Variants in PIK3C3 observed in about 807,000 individuals in gnomAD.
PIK3C3 encodes the protein PI3-kinase type 3.
Under a neutral mutation model 126.1 loss-of-function variants are expected in PIK3C3, and 95 were observed. The observed-to-expected ratio is 0.75, with a 90% CI of 0.64 to 0.89. The LOEUF is 0.89. Among genes scored for constraint, PIK3C3 ranks in the 40% least tolerant of loss-of-function variants. The probability of loss-of-function intolerance (pLI) is 0.00; values close to 1 mark genes in which losing one functional copy is unlikely to be tolerated. For missense variants in PIK3C3, 829 were observed against 1,063.2 expected, an observed-to-expected ratio of 0.78 and a Z score of 3.06; for synonymous variants, 374 against 360.0, an observed-to-expected ratio of 1.04 and a Z score of -0.44.
chr18:42,017,481 T>C (rs761492880), intron 12 of PIK3C3, among the ~76,000 whole-genome samples: 5 of 152,260 alleles, frequency 3.3e-5, no homozygotes, highest in African/African-American at 7.2e-5. Flanking sequence ...TATTGTGTTA[T>C]TGAAATCTGT....
intron 10 of PIK3C3, among the ~76,000 whole-genome samples, chr18:42,008,363 T>C (rs1000145766): frequency 6.6e-6 from 1 of 152,132 alleles, no homozygotes; most frequent in African/African-American, 2.4e-5. Flanking sequence ...GAAAGCAATA[T>C]GAGCAAGAGC....
chr18:42,068,245 T>C (rs1162320122), intron 24 of PIK3C3, among the ~76,000 whole-genome samples: 1 of 152,212 alleles, frequency 6.6e-6, no homozygotes. Flanking sequence ...TTTTAAACTT[T>C]ATGATACCTA....
Position 41,970,327 on chromosome 18 carries a change from C to T in PIK3C3, c.402C>T (p.Gly134=). The change falls in exon 4 of 25, where the codon GGC becomes GGT. Residue 134 remains glycine (G), a splice_region_variant and synonymous_variant. Transcript: ENST00000262039. ...CCCTGAACATTCTCTTTTTCCCTAGCATGTTTCGCCAAGGGATGCATGACT... is the reference window on the plus strand; with the variant it reads ...CCCTGAACATTCTCTTTTTCCCTAGTATGTTTCGCCAAGGGATGCATGACT... ...GTTVSLFGKY[G]MFRQGMHDLK... The T allele has an allele frequency of 6.2e-7, 1 of 1,612,634 alleles. No homozygotes were observed. Among genetic ancestry groups the T allele is most frequent in the Non-Finnish European group, 8.5e-7 (1 of 1,178,792 alleles).
intron 4 of PIK3C3, among the ~76,000 whole-genome samples, chr18:41,972,877 G>A (rs1980737664): frequency 6.6e-6 from 1 of 152,016 alleles, no homozygotes; most frequent in Non-Finnish European, 1.5e-5. Flanking sequence ...AGCTGCTATT[G>A]AAGAGAAATG....
rs553093001 is a variant in PIK3C3 at position 42,085,375 on chromosome 18, GAATA to G, written c.*4243_*4246del. 11 of 152,088 alleles carry G rather than the reference GAATA, an allele frequency of 7.2e-5. No homozygotes were observed. The highest frequency in any genetic ancestry group is 1.5e-4 in the Non-Finnish European group (10 of 68,010). 9.4% of individuals were successfully genotyped at this position (152,088 alleles called of 1,614,324 possible). On this transcript the variant is annotated 3_prime_UTR_variant, in exon 25 of 25. Transcript: ENST00000262039. ...TATGGAATATGAACAACTTTAATATGAATAAATAGTCTAGAAAAAAATTTAGGAA... is the reference window on the plus strand; with the variant it reads ...TATGGAATATGAACAACTTTAATATGAATAGTCTAGAAAAAAATTTAGGAA...
At chr18:41,995,457 G>C (rs896949252) in intron 7 of PIK3C3, among the ~76,000 whole-genome samples, 12 of 152,134 alleles carry the variant, frequency 7.9e-5, no homozygotes, top group African/African-American at 2.9e-4. Context: ...TGTGATTATT[G>C]TCCTTGCCCT....
intron 24 of PIK3C3, among the ~76,000 whole-genome samples, chr18:42,074,460 T>C (rs542399676): frequency 4.5e-4 from 68 of 152,286 alleles, no homozygotes; most frequent in African/African-American, 1.6e-3. Context: ...GAATGTACTC[T>C]CCTTTAACAA....
chr18:41,996,001 G>T lies in PIK3C3; in HGVS notation c.891+7G>T, dbSNP rs376060141. The stretch of plus-strand genomic sequence containing the variant: ...CACGAGAGATCAGTTAAATGTAAGA[G>T]AATTATGAAATATTAATTTAAAAAT... On this transcript the variant is annotated splice_region_variant and intron_variant, in intron 8 of 24. Coordinates refer to ENST00000262039, the MANE Select transcript of PIK3C3 (RefSeq NM_002647.4). The T allele has an allele frequency of 6.4e-6, 10 of 1,563,496 alleles. No homozygotes were observed. The African/African-American group carries it at 8.1e-5, about 13-fold the overall frequency.
At chr18:42,022,777 T>C (rs1419218067) in intron 13 of PIK3C3, among the ~76,000 whole-genome samples, 1 of 152,180 alleles carries the variant, frequency 6.6e-6, no homozygotes, top group Non-Finnish European at 1.5e-5. Context: ...CTTGAAAATA[T>C]AGGAGGTTTT....
chr18:41,970,624 A>G (rs375400676), intron 4 of PIK3C3, 168 bp downstream of exon 4: 1 of 680,356 alleles, frequency 1.5e-6, no homozygotes, highest in Non-Finnish European at 2.6e-6. Flanking sequence ...CACCCTTGGA[A>G]AGCATACAGT....
At chr18:41,989,775 C>T (rs1981683391) in intron 5 of PIK3C3, among the ~76,000 whole-genome samples, 1 of 152,120 alleles carries the variant, frequency 6.6e-6, no homozygotes, top group Non-Finnish European at 1.5e-5. Flanking sequence ...TGATGCATTT[C>T]TCAGAATGTA....
chr18:42,049,658 A>T (rs1984709066), intron 21 of PIK3C3, 53 bp downstream of exon 21: 1 of 1,334,768 alleles, frequency 7.5e-7, no homozygotes, highest in Non-Finnish European at 1.1e-6. Flanking sequence ...CATGGTTTTT[A>T]CCCCTGAATC....
Position 42,072,621 on chromosome 18 carries a change from T to A in PIK3C3, c.2649+5108T>A, listed in dbSNP as rs548546029. Among the ~76,000 whole-genome samples the A allele has an allele frequency of 9.2e-5, 14 of 152,282 alleles. No individual in the cohort carries two copies. The South Asian group carries it at 2.7e-3, about 29-fold the overall frequency. ...ATAATGGTTCACTGCAGCCTTGACCTCCTGGGCTTGAGTGATCCTCCTGCC... is the reference window on the plus strand; with the variant it reads ...ATAATGGTTCACTGCAGCCTTGACCACCTGGGCTTGAGTGATCCTCCTGCC... On this transcript the variant is annotated intron_variant, in intron 24 of 24. Coordinates refer to ENST00000262039, the MANE Select transcript of PIK3C3 (RefSeq NM_002647.4).
Position 42,067,517 on chromosome 18 carries a change from A to G in PIK3C3, c.2649+4A>G. ...ACAGATTCACAAGTTTGCCCAGGTA[A>G]GTTCCCTGAGTGCAGTGCATTTTTC... On this transcript the variant is annotated splice_donor_region_variant and intron_variant, in intron 24 of 24. Coordinates refer to ENST00000262039, the MANE Select transcript of PIK3C3 (RefSeq NM_002647.4). 6.2e-7 allele frequency: 1 copy of G among 1,614,018 alleles called. No homozygotes were observed.
intron 12 of PIK3C3, 31 bp from the exon 13 acceptor site, chr18:42,020,607 A>G (rs1257087267): frequency 1.4e-6 from 2 of 1,427,762 alleles, no homozygotes; most frequent in East Asian, 2.3e-5. Flanking sequence ...GTAGATGATA[A>G]TATATAATAC....
intron 10 of PIK3C3, among the ~76,000 whole-genome samples, chr18:42,012,929 AAAC>A (rs1181476425): frequency 5.3e-5 from 8 of 152,176 alleles, no homozygotes; most frequent in African/African-American, 1.9e-4. Flanking sequence ...GGAAAAAAGA[AAAC>A]AGATGATTTT....
intron 21 of PIK3C3, among the ~76,000 whole-genome samples, chr18:42,052,273 T>G (rs2144494991): frequency 6.6e-6 from 1 of 152,296 alleles, no homozygotes; most frequent in South Asian, 2.1e-4. Context: ...TAATGGAAAT[T>G]GAATTAAATT....
In PIK3C3 at chr18:42,081,256, A is replaced by AC; in HGVS notation, c.*121dup. 1.6e-6 allele frequency: 1 copy of AC among 635,058 alleles called. No homozygotes were observed. The highest frequency in any genetic ancestry group is 2.7e-6 in the Non-Finnish European group (1 of 365,632). 39.3% of individuals were successfully genotyped at this position (635,058 alleles called of 1,614,324 possible). ...GAAGAGAAATCTTAATCTTCAAGTT[A>AC]CCATATTTTCCAAATATTACATGGT... is the stretch of plus-strand genomic sequence containing the variant. On this transcript the variant is annotated 3_prime_UTR_variant, in exon 25 of 25. Coordinates refer to ENST00000262039, the MANE Select transcript of PIK3C3 (RefSeq NM_002647.4).
chr18:42,074,752 TTC>T (rs1012169937), intron 24 of PIK3C3, among the ~76,000 whole-genome samples: 7 of 152,132 alleles, frequency 4.6e-5, no homozygotes, highest in African/African-American at 1.7e-4. Flanking sequence ...TTGCCTCATA[TTC>T]TCTCTTTGTA....
Sources: allele counts gnomAD v4.1 joint callset (sites outside exome capture counted in the v4.1 genomes callset), GRCh38; gene constraint gnomAD v4.1.1; transcripts MANE v1.5; gene names NCBI Gene and HGNC (gene_info 2026-07-23, HGNC 2026-07-21).